RNF148: variants seen among roughly 807,000 people sequenced by gnomAD.
RNF148 encodes the protein ring finger protein 148.
Under a neutral mutation model 21.1 loss-of-function variants are expected in RNF148, and 16 were observed. The ratio of observed to expected loss-of-function variants is 0.76; its 90% confidence interval spans 0.51 to 1.15. The LOEUF is 1.15. RNF148 is among the 50% of genes most tolerant of loss of function. RNF148 has a pLI of 0.00. For missense variants in RNF148, 424 were observed against 374.2 expected (o/e 1.13, Z -1.10); for synonymous variants, 150 against 136.4 (o/e 1.10, Z -0.69).
At position 122,702,475 on chromosome 7, in the gene RNF148, GA is replaced by G; in HGVS notation, c.275del (p.Phe92SerfsTer36). 6.2e-7 allele frequency: 1 copy of G among 1,613,754 alleles called. No individual in the cohort carries two copies. The highest frequency in any genetic ancestry group is 8.5e-7 in the Non-Finnish European group (1 of 1,179,774). On this transcript the variant is annotated frameshift_variant, in exon 1 of 1. Transcript: ENST00000434824. LOFTEE classifies it high-confidence loss of function. ...ATGAGTCTGCCTGTTTGGGCCTGCT[GA>G]AATTGGTCAAAGGATGACAGGCATT... Reference protein sequence around the residue: ...NQNACHPLTNFSRPKQADSWL... With the variant: ...NQNACHPLTNXSRPKQADSWL...
rs757712761 is a variant in RNF148, at chr7:122,702,637, C to T, written c.114G>A (p.Trp38Ter). 3 of 1,613,532 alleles carry T rather than the reference C, an allele frequency of 1.9e-6. No individual in the cohort carries two copies. Among genetic ancestry groups the T allele is most frequent in the Non-Finnish European group, 2.5e-6 (3 of 1,179,684 alleles). ...SFPDSNGKAI[W>*]TAHLNITFQV... ...GAAATGTTATATTCAGGTGAGCTGT[C>T]CAAATGGCTTTTCCGTTTGAGTCAG... The change falls in exon 1 of 1, where the codon TGG becomes TGA. Residue 38 changes from tryptophan (W) to a stop codon, truncating the protein, a stop_gained. Coordinates refer to ENST00000434824, the MANE Select transcript of RNF148 (RefSeq NM_198085.2). LOFTEE classifies it high-confidence loss of function.
In RNF148 at chr7:122,702,668, C is replaced by G. The variant is rs747690221; in HGVS notation, c.83G>C (p.Ser28Thr). The G allele has an allele frequency of 6.2e-7, 1 of 1,613,234 alleles. No individual in the cohort carries two copies. ...GGCTTTTCCGTTTGAGTCAGGAAAG[C>G]TAAGTAGTAGAAAGATACTAAGCCT... ...LLRLSIFLLL[S>T]FPDSNGKAIW... is the part of the protein sequence containing the mutation. Residue 28 changes from serine (S) to threonine (T), a missense_variant, in exon 1 of 1, where the codon AGC becomes ACC. Coordinates refer to ENST00000434824, the MANE Select transcript of RNF148 (RefSeq NM_198085.2).
At position 122,702,589 on chromosome 7, in the gene RNF148, C is replaced by T. The variant is rs192276120; in HGVS notation, c.162G>A (p.Ser54=). ...CGAACACTCCACTCTCTCCTAATTC[C>T]GATGTGATCTCATTTCCAACCTGAA... ...ITFQVGNEIT[S]ELGESGVFGN... The change falls in exon 1 of 1, where the codon TCG becomes TCA. Residue 54 remains serine (S), a synonymous_variant. Coordinates refer to ENST00000434824, the MANE Select transcript of RNF148 (RefSeq NM_198085.2). 3.3e-3 allele frequency: 5,377 copies of T among 1,613,608 alleles called. 14 individuals are homozygous for T. The highest frequency in any genetic ancestry group is 3.5e-3 in the Non-Finnish European group (4,136 of 1,179,718).
chr7:122,702,511 T>C lies in RNF148; in HGVS notation c.240A>G (p.Gly80=). ...AAGGATGACAGGCATTCTGATTCCA[T>C]CCTTCAGGAAGTGCCACCACACCAG... ...RVSGVVALPE[G]WNQNACHPLT... is the part of the protein sequence containing the mutation. Residue 80 remains glycine (G), a synonymous_variant, in exon 1 of 1, where the codon GGA becomes GGG. Coordinates refer to ENST00000434824, the MANE Select transcript of RNF148 (RefSeq NM_198085.2). 1 of 1,613,632 alleles carries C rather than the reference T, an allele frequency of 6.2e-7. No individual in the cohort carries two copies. The highest frequency in any genetic ancestry group is 8.5e-7 in the Non-Finnish European group (1 of 1,179,736).
chr7:122,702,139 G>A lies in RNF148; in HGVS notation c.612C>T (p.Tyr204=), dbSNP rs1478123452. The A allele has an allele frequency of 1.9e-6, 3 of 1,613,698 alleles. No individual in the cohort carries two copies. The highest frequency in any genetic ancestry group is 2.5e-6 in the Non-Finnish European group (3 of 1,179,786). ...GTCTCCAGACGCAATCTAAGTAAAA[G>A]TAGGCAATTGTGGCAGCCAGGAAGG... ...LFTFLAATIA[Y]FYLDCVWRLT... Residue 204 remains tyrosine (Y), a synonymous_variant, in exon 1 of 1, where the codon TAC becomes TAT. Coordinates refer to ENST00000434824, the MANE Select transcript of RNF148 (RefSeq NM_198085.2).
In RNF148 at chr7:122,702,778, C is replaced by T. The variant is rs1209117813; in HGVS notation, c.-28G>A. 1.3e-6 allele frequency: 2 copies of T among 1,481,886 alleles called. No homozygotes were observed. The highest frequency in any genetic ancestry group is 2.6e-5 in the South Asian group (2 of 77,052). 91.8% of individuals were successfully genotyped at this position (1,481,886 alleles called of 1,614,324 possible). ...CTCCATTTGTCTATTAAGAGACAAA[C>T]ATGAGAAAACAAAACAACATCAGTT... is the stretch of plus-strand genomic sequence containing the variant. On this transcript the variant is annotated 5_prime_UTR_variant, in exon 1 of 1. The change abolishes an upstream ATG in the 5' untranslated region. Transcript: ENST00000434824.
rs138284424 is a variant in RNF148 at position 122,701,931 on chromosome 7, A to G, written c.820T>C (p.Leu274=). Residue 274 remains leucine, a synonymous_variant, in exon 1 of 1, where the codon TTA becomes CTA. Transcript: ENST00000434824. ...TYKPQDVVRI[L]TCKHFFHKAC... ...TTATGGAAAAAATGTTTGCAAGTTA[A>G]AATGCGTACTACATCTTGGGGTTTG... The G allele has an allele frequency of 7.0e-4, 1,125 of 1,613,694 alleles. 9 individuals are homozygous for G. The African/African-American group carries it at 0.012, about 17-fold the overall frequency.
At position 122,702,671 on chromosome 7, in the gene RNF148, A is replaced by G. The variant is rs747019795; in HGVS notation, c.80T>C (p.Leu27Pro). 3 of 1,613,260 alleles carry G rather than the reference A, an allele frequency of 1.9e-6. No individual in the cohort carries two copies. In the South Asian group the frequency reaches 3.3e-5, roughly 18 times the overall value. ...TTTTCCGTTTGAGTCAGGAAAGCTA[A>G]GTAGTAGAAAGATACTAAGCCTCAA... ...GLLRLSIFLL[L>P]SFPDSNGKAI... The change falls in exon 1 of 1, where the codon CTT becomes CCT. Residue 27 changes from leucine to proline, a missense_variant. Physicochemically the swap from Leu to Pro is moderately conservative, Grantham distance 98. Coordinates refer to ENST00000434824, the MANE Select transcript of RNF148 (RefSeq NM_198085.2).
Position 122,702,107 on chromosome 7 carries a change from G to T in RNF148, c.644C>A (p.Pro215His), listed in dbSNP as rs759923279. 1 of 1,613,606 alleles carries T rather than the reference G, an allele frequency of 6.2e-7. No homozygotes were observed. The highest frequency in any genetic ancestry group is 2.2e-5 in the East Asian group (1 of 44,858). Residue 215 changes from proline to histidine, a missense_variant, in exon 1 of 1, where the codon CCT becomes CAT. Physicochemically the swap from Pro to His is moderately conservative, Grantham distance 77. Transcript: ENST00000434824. ...CCTGGTGAAAGAATTGGGCACTCTA[G>T]GTGTAAGTCTCCAGACGCAATCTAA... The part of the protein sequence containing the change: ...FYLDCVWRLT[P>H]RVPNSFTRRR...
Position 122,702,123 on chromosome 7 carries a change from C to T in RNF148, c.628G>A (p.Val210Ile), listed in dbSNP as rs376463521. 75 of 1,613,434 alleles carry T rather than the reference C, an allele frequency of 4.6e-5. No individual in the cohort carries two copies. The highest frequency in any genetic ancestry group is 1.6e-4 in the Middle Eastern group (1 of 6,078). Residue 210 changes from valine (V) to isoleucine (I), a missense_variant, in exon 1 of 1, where the codon GTC becomes ATC. Coordinates refer to ENST00000434824, the MANE Select transcript of RNF148 (RefSeq NM_198085.2). ...ATIAYFYLDC[V>I]WRLTPRVPNS... ...GGCACTCTAGGTGTAAGTCTCCAGA[C>T]GCAATCTAAGTAAAAGTAGGCAATT...
rs755398654 is a variant in RNF148, at chr7:122,702,468, G to T, written c.283C>A (p.Pro95Thr). 36 of 1,613,712 alleles carry T rather than the reference G, an allele frequency of 2.2e-5. 1 individual carries two copies. The South Asian group carries it at 3.3e-4, about 15-fold the overall frequency. The change falls in exon 1 of 1, where the codon CCC becomes ACC. Residue 95 changes from proline to threonine, a missense_variant. Pro to Thr is a conservative substitution (Grantham distance 38, BLOSUM62 -1). Transcript: ENST00000434824. ...ACHPLTNFSRPKQADSWLALI... is the reference protein window; with the variant it reads ...ACHPLTNFSRTKQADSWLALI... ...GCCAGCCATGAGTCTGCCTGTTTGG[G>T]CCTGCTGAAATTGGTCAAAGGATGA...
In RNF148 at chr7:122,702,515, T is replaced by G. The variant is rs768470171; in HGVS notation, c.236A>C (p.Glu79Ala). Reference sequence around the variant, plus strand: ...ATGACAGGCATTCTGATTCCATCCTTCAGGAAGTGCCACCACACCAGACAC... The same window carrying G: ...ATGACAGGCATTCTGATTCCATCCTGCAGGAAGTGCCACCACACCAGACAC... ...ERVSGVVALPEGWNQNACHPL... is the reference protein window; with the variant it reads ...ERVSGVVALPAGWNQNACHPL... The change falls in exon 1 of 1, where the codon GAA becomes GCA. Residue 79 changes from glutamate to alanine, a missense_variant. Transcript: ENST00000434824. 1.9e-6 allele frequency: 3 copies of G among 1,613,576 alleles called. No individual in the cohort carries two copies. The highest frequency in any genetic ancestry group is 2.7e-5 in the African/African-American group (2 of 74,940).
At position 122,702,130 on chromosome 7, in the gene RNF148, T is replaced by C; in HGVS notation, c.621A>G (p.Leu207=). The change falls in exon 1 of 1, where the codon TTA becomes TTG. Residue 207 remains leucine (L), a synonymous_variant. Transcript: ENST00000434824. ...FLAATIAYFY[L]DCVWRLTPRV... Reference sequence around the variant, plus strand: ...TAGGTGTAAGTCTCCAGACGCAATCTAAGTAAAAGTAGGCAATTGTGGCAG... The same window carrying C: ...TAGGTGTAAGTCTCCAGACGCAATCCAAGTAAAAGTAGGCAATTGTGGCAG... The C allele has an allele frequency of 6.2e-7, 1 of 1,613,692 alleles. No individual in the cohort carries two copies. Among genetic ancestry groups the C allele is most frequent in the Admixed American group, 1.7e-5 (1 of 59,978 alleles).
Position 122,702,791 on chromosome 7 carries a change from AACAACATCAGTTGTAGAAG to A in RNF148, c.-60_-42del. Reference sequence around the variant, plus strand: ...TTAAGAGACAAACATGAGAAAACAAAACAACATCAGTTGTAGAAGAACATAAAGAAGATAGCTTGTTGGC... The same window carrying A: ...TTAAGAGACAAACATGAGAAAACAAAAACATAAAGAAGATAGCTTGTTGGC... On this transcript the variant is annotated 5_prime_UTR_variant, in exon 1 of 1. It removes an upstream start codon present in the reference 5' UTR. Coordinates refer to ENST00000434824, the MANE Select transcript of RNF148 (RefSeq NM_198085.2). The A allele has an allele frequency of 5.6e-6, 8 of 1,416,602 alleles. No individual in the cohort carries two copies. The highest frequency in any genetic ancestry group is 7.7e-6 in the Non-Finnish European group (8 of 1,044,590). The allele number at this position is 1,416,602 out of a possible 1,614,324, so 87.8% of individuals were successfully genotyped here. A position where few individuals can be genotyped will look rare whatever the true frequency, so the allele number is the denominator to read the frequency against.
At position 122,702,774 on chromosome 7, in the gene RNF148, C is replaced by T; in HGVS notation, c.-24G>A. 2 of 1,517,936 alleles carry T rather than the reference C, an allele frequency of 1.3e-6. No individual in the cohort carries two copies. The highest frequency in any genetic ancestry group is 1.8e-6 in the Non-Finnish European group (2 of 1,124,830). 94.0% of individuals were successfully genotyped at this position (1,517,936 alleles called of 1,614,324 possible). ...ATGCCTCCATTTGTCTATTAAGAGA[C>T]AAACATGAGAAAACAAAACAACATC... On this transcript the variant is annotated 5_prime_UTR_variant, in exon 1 of 1. Coordinates refer to ENST00000434824, the MANE Select transcript of RNF148 (RefSeq NM_198085.2).
Position 122,702,284 on chromosome 7 carries a change from C to T in RNF148, c.467G>A (p.Ser156Asn), listed in dbSNP as rs529973684. ...CAAAATTTCCATGCCTTTCAGGTTG[C>T]TTATCATCACCGCGACTATATTTTC... ...GTENIVAVMI[S>N]NLKGMEILHS... Residue 156 changes from serine to asparagine, a missense_variant, in exon 1 of 1, where the codon AGC (serine) becomes AAC (asparagine). Physicochemically the swap from Ser to Asn is conservative, Grantham distance 46. Coordinates refer to ENST00000434824, the MANE Select transcript of RNF148 (RefSeq NM_198085.2). 6.8e-6 allele frequency: 11 copies of T among 1,613,816 alleles called. No individual in the cohort carries two copies. The highest frequency in any genetic ancestry group is 6.6e-5 in the South Asian group (6 of 91,082).
rs1381284509 is a variant in RNF148, at chr7:122,702,405, T to C, written c.346A>G (p.Ile116Val). ...GCTCCCTTCTCTGCTGCCACGTTGA[T>C]TTTATGTGTAAAAGTACAGCCTCCA... ...ERGGCTFTHK[I>V]NVAAEKGANG... Residue 116 changes from isoleucine to valine, a missense_variant, in exon 1 of 1, where the codon ATC becomes GTC. By Grantham distance (29) the Ile-to-Val change is conservative. Transcript: ENST00000434824. 6.2e-7 allele frequency: 1 copy of C among 1,613,696 alleles called. No homozygotes were observed. The highest frequency in any genetic ancestry group is 1.3e-5 in the African/African-American group (1 of 74,910).
rs750101153 is a variant in RNF148 at position 122,702,186 on chromosome 7, G to C, written c.565C>G (p.His189Asp). The C allele has an allele frequency of 2.1e-5, 34 of 1,613,520 alleles. No individual in the cohort carries two copies. The South Asian group carries it at 3.4e-4, about 16-fold the overall frequency. Reference protein sequence around the residue: ...VGRMHMQWVSHYIMYLFTFLA... With the variant: ...VGRMHMQWVSDYIMYLFTFLA... ...AAGGTAAATAGATACATGATGTAATGGCTCACCCACTGCATGTGCATTCTC... is the reference window on the plus strand; with the variant it reads ...AAGGTAAATAGATACATGATGTAATCGCTCACCCACTGCATGTGCATTCTC... The change falls in exon 1 of 1, where the codon CAT becomes GAT. Residue 189 changes from histidine to aspartate, a missense_variant. Physicochemically the swap from His to Asp is moderately conservative, Grantham distance 81. Coordinates refer to ENST00000434824, the MANE Select transcript of RNF148 (RefSeq NM_198085.2).
chr7:122,702,110 G>A lies in RNF148; in HGVS notation c.641C>T (p.Thr214Ile), dbSNP rs761565876. 9.3e-6 allele frequency: 15 copies of A among 1,613,634 alleles called. No homozygotes were observed. The East Asian group carries it at 2.7e-4, about 29-fold the overall frequency. The change falls in exon 1 of 1, where the codon ACA (threonine) becomes ATA (isoleucine). Residue 214 changes from threonine to isoleucine, a missense_variant. Coordinates refer to ENST00000434824, the MANE Select transcript of RNF148 (RefSeq NM_198085.2). Reference protein sequence around the residue: ...YFYLDCVWRLTPRVPNSFTRR... With the variant: ...YFYLDCVWRLIPRVPNSFTRR... ...GGTGAAAGAATTGGGCACTCTAGGT[G>A]TAAGTCTCCAGACGCAATCTAAGTA...
Sources: gnomAD v4.1 joint callset for allele counts on GRCh38, gnomAD v4.1.1 for gene constraint, MANE v1.5 for transcripts, NCBI Gene and HGNC (gene_info 2026-07-23, HGNC 2026-07-21) for gene names.